Variants in MARCHF1 observed in about 807,000 individuals in gnomAD.
MARCHF1 encodes E3 ubiquitin-protein ligase MARCHF1.
In MARCHF1, 40 loss-of-function variants were observed where a neutral mutation model predicts 54.2. The observed-to-expected ratio is 0.74, with a 90% CI of 0.57 to 0.96. MARCHF1 has a LOEUF of 0.96. Ranked by LOEUF, MARCHF1 falls within the 40% of genes least tolerant of loss-of-function variation. The pLI is 0.00. For synonymous variants in MARCHF1, 236 were observed against 236.3 expected, an observed-to-expected ratio of 1.00 and a Z score of 0.01; for missense variants, 586 against 656.5, an observed-to-expected ratio of 0.89 and a Z score of 1.17.
At chr4:164,019,851 T>C (rs941174063) in intron 2 of MARCHF1, among the ~76,000 whole-genome samples, 4 of 152,342 alleles carry the variant, frequency 2.6e-5, no homozygotes, top group Admixed American at 6.5e-5. Flanking sequence ...TGAGGCCTAA[T>C]TGTAAGGGTG....
At chr4:164,143,076 T>A (rs944796554) in intron 1 of MARCHF1, among the ~76,000 whole-genome samples, 2 of 144,928 alleles carry the variant, frequency 1.4e-5, no homozygotes, top group Admixed American at 6.9e-5. Flanking sequence ...GTATCAGCAA[T>A]GGAAGATGAA....
At chr4:163,628,642 GA>G (rs1741958756) in intron 5 of MARCHF1, among the ~76,000 whole-genome samples, 1 of 152,184 alleles carries the variant, frequency 6.6e-6, no homozygotes, top group African/African-American at 2.4e-5. Flanking sequence ...TTTATATTTA[GA>G]AAACCCTATT....
chr4:163,823,285 A>G (rs188446924), intron 4 of MARCHF1, among the ~76,000 whole-genome samples: 1 of 151,974 alleles, frequency 6.6e-6, no homozygotes, highest in East Asian at 1.9e-4. Context: ...CTATAGATGA[A>G]AAAACTAAAT....
intron 7 of MARCHF1, among the ~76,000 whole-genome samples, chr4:163,601,073 C>T (rs921999949): frequency 1.3e-5 from 2 of 152,080 alleles, no homozygotes; most frequent in African/African-American, 2.4e-5. Context: ...TTTTAATTTC[C>T]GAACCAAATT....
chr4:163,850,008 G>C (rs1408542467), intron 4 of MARCHF1, among the ~76,000 whole-genome samples: 2 of 152,102 alleles, frequency 1.3e-5, no homozygotes, highest in African/African-American at 2.4e-5. Flanking sequence ...CTAACTTTTT[G>C]GTTGGGTTCT....
chr4:163,614,796 G>C (rs1741459788), intron 5 of MARCHF1, among the ~76,000 whole-genome samples: 1 of 152,052 alleles, frequency 6.6e-6, no homozygotes, highest in Non-Finnish European at 1.5e-5. Flanking sequence ...AATTATACTG[G>C]TAAACCCAAT....
At chr4:164,223,642 T>C (rs1732172960) in intron 1 of MARCHF1, among the ~76,000 whole-genome samples, 2 of 151,936 alleles carry the variant, frequency 1.3e-5, no homozygotes, top group South Asian at 4.1e-4. Flanking sequence ...CTATTGGATA[T>C]AAACAACTAA....
intron 2 of MARCHF1, among the ~76,000 whole-genome samples, chr4:164,071,439 T>C (rs1364778830): frequency 6.6e-6 from 1 of 151,938 alleles, no homozygotes; most frequent in Non-Finnish European, 1.5e-5. Flanking sequence ...TAAAAATTAA[T>C]AGTGATTAAA....
chr4:163,744,869 G>A lies in MARCHF1; in HGVS notation c.112-44006C>T, dbSNP rs977456559. ...AAATATATTGACTAAAGATATAAAA[G>A]AGAGAAATATAATATAGAAATTATG... On this transcript the variant is annotated intron_variant, in intron 4 of 9. Coordinates refer to ENST00000514618, the MANE Select transcript of MARCHF1 (RefSeq NM_001394959.1). Among the ~76,000 whole-genome samples the A allele has an allele frequency of 3.9e-5, 6 of 152,070 alleles. No homozygotes were observed. In the South Asian group the frequency reaches 1.2e-3, roughly 32 times the overall value.
At chr4:163,852,230 A>G (rs1749660960) in intron 4 of MARCHF1, among the ~76,000 whole-genome samples, 1 of 152,054 alleles carries the variant, frequency 6.6e-6, no homozygotes, top group Non-Finnish European at 1.5e-5. Flanking sequence ...ATGTCAATTA[A>G]TTTTCCTGGG....
chr4:163,629,628 A>C (rs1741999795), intron 5 of MARCHF1, among the ~76,000 whole-genome samples: 1 of 152,226 alleles, frequency 6.6e-6, no homozygotes, highest in Middle Eastern at 3.2e-3. Context: ...GGCAACCTAC[A>C]GAATGAGAGA....
At chr4:163,711,053 A>G (rs907843177) in intron 4 of MARCHF1, among the ~76,000 whole-genome samples, 2 of 151,948 alleles carry the variant, frequency 1.3e-5, no homozygotes, top group South Asian at 4.2e-4. Flanking sequence ...AGATGACCAG[A>G]GGTGTGGCAA....
intron 8 of MARCHF1, among the ~76,000 whole-genome samples, chr4:163,546,424 C>T (rs6536735): frequency 0.65 from 99,078 of 152,148 alleles, 32,755 homozygotes; most frequent in African/African-American, 0.75. Context: ...TTAAAAACTT[C>T]CTTTTCAGGA....
At chr4:164,087,502 A>G (rs1405939477) in intron 2 of MARCHF1, among the ~76,000 whole-genome samples, 1 of 152,170 alleles carries the variant, frequency 6.6e-6, no homozygotes, top group Non-Finnish European at 1.5e-5. Flanking sequence ...GAAAATAGAT[A>G]GTCAGGTAAA....
intron 1 of MARCHF1, among the ~76,000 whole-genome samples, chr4:164,143,662 C>T (rs1415273355): frequency 1.3e-5 from 2 of 152,236 alleles, no homozygotes; most frequent in East Asian, 3.9e-4. Flanking sequence ...TAAAAGAGCT[C>T]CTGAAAGAAG....
chr4:163,794,064 T>G (rs952532118), intron 4 of MARCHF1, among the ~76,000 whole-genome samples: 2 of 152,210 alleles, frequency 1.3e-5, no homozygotes, highest in African/African-American at 4.8e-5. Context: ...AATGTGTCAC[T>G]TATGCAAATT....
At chr4:164,315,233 A>G (rs1401154664) in intron 1 of MARCHF1, among the ~76,000 whole-genome samples, 4 of 113,950 alleles carry the variant, frequency 3.5e-5, no homozygotes, top group Admixed American at 3.4e-4. Flanking sequence ...TAATTTAACA[A>G]AAAAAAAAAA....
chr4:163,889,632 A>G (rs1017698872), intron 3 of MARCHF1, among the ~76,000 whole-genome samples: 2 of 152,172 alleles, frequency 1.3e-5, no homozygotes, highest in East Asian at 3.9e-4. Context: ...TTATAGTCTC[A>G]TTGCCTGAAC....
intron 8 of MARCHF1, among the ~76,000 whole-genome samples, chr4:163,576,984 C>A (rs922607114): frequency 5.3e-5 from 8 of 152,124 alleles, no homozygotes; most frequent in African/African-American, 1.9e-4. Context: ...AGAAAGCAGA[C>A]AAATGAGTGT....
Sources: allele counts gnomAD v4.1 joint callset (sites outside exome capture counted in the v4.1 genomes callset), GRCh38; gene constraint gnomAD v4.1.1; transcripts MANE v1.5; gene names NCBI Gene and HGNC (gene_info 2026-07-23, HGNC 2026-07-21).